The following ST6GALNAC3 variants were observed in gnomAD, a reference collection of about 807,000 sequenced individuals.
The protein encoded by ST6GALNAC3 is ST6 N-acetylgalactosaminide alpha-2,6-sialyltransferase 3, also known as alpha-N-acetylgalactosaminide alpha-2,6-sialyltransferase 3.
Under a neutral mutation model 32.7 loss-of-function variants are expected in ST6GALNAC3, and 25 were observed. The ratio of observed to expected loss-of-function variants is 0.76; its 90% CI spans 0.56 to 1.07. The LOEUF is 1.07. Among genes scored for constraint, ST6GALNAC3 ranks in the 50% least tolerant of loss-of-function variants. The pLI is 0.00. For missense variants in ST6GALNAC3, 355 were observed against 382.4 expected (o/e 0.93, Z 0.60); for synonymous variants, 129 against 133.1 (o/e 0.97, Z 0.21).
At chr1:76,374,091 A>T (rs1240249109) in intron 2 of ST6GALNAC3, among the ~76,000 whole-genome samples, 1 of 152,208 alleles carries the variant, frequency 6.6e-6, no homozygotes. Context: ...CACATTTTGC[A>T]GTGAGCCAAG....
intron 1 of ST6GALNAC3, among the ~76,000 whole-genome samples, chr1:76,202,211 T>C (rs1218416913): frequency 2.0e-5 from 3 of 151,710 alleles, no homozygotes; most frequent in Non-Finnish European, 2.9e-5. Context: ...GAGGAAAGCA[T>C]TGATGCTTCC....
At chr1:76,595,217 A>G (rs1000075399) in intron 3 of ST6GALNAC3, among the ~76,000 whole-genome samples, 4 of 152,070 alleles carry the variant, frequency 2.6e-5, no homozygotes, top group Non-Finnish European at 5.9e-5. Context: ...AGCCAACACA[A>G]TCTGTGGGTA....
chr1:76,199,301 C>T (rs1030563218), intron 1 of ST6GALNAC3, among the ~76,000 whole-genome samples: 1 of 152,146 alleles, frequency 6.6e-6, no homozygotes, highest in Admixed American at 6.6e-5. Context: ...TGATGCTGGG[C>T]CAGACTGCTG....
chr1:76,239,651 A>C (rs1656855723), intron 1 of ST6GALNAC3, among the ~76,000 whole-genome samples: 1 of 152,204 alleles, frequency 6.6e-6, no homozygotes, highest in South Asian at 2.1e-4. Flanking sequence ...GCACCAAGCC[A>C]TTCACGAGAG....
intron 1 of ST6GALNAC3, among the ~76,000 whole-genome samples, chr1:76,112,077 C>G (rs1250341645): frequency 6.7e-6 from 1 of 149,074 alleles, no homozygotes; most frequent in Non-Finnish European, 1.5e-5. Context: ...GCTGACCCCC[C>G]CACCTCCCTC....
chr1:76,202,268 ATGTGTGTGTGTGTGTGTGTG>A lies in ST6GALNAC3; in HGVS notation c.19-111521_19-111502del, dbSNP rs58107501. Reference sequence around the variant, plus strand: ...GTGGGTGGAGAGTGTGTGTGCATGCATGTGTGTGTGTGTGTGTGTGTGTGTGTGTGTGTGTATGTACATAC... The same window carrying A: ...GTGGGTGGAGAGTGTGTGTGCATGCATGTGTGTGTGTGTGTATGTACATAC... On this transcript the variant is annotated intron_variant, in intron 1 of 4. Coordinates refer to ENST00000328299, the MANE Select transcript of ST6GALNAC3 (RefSeq NM_152996.4). Among the ~76,000 whole-genome samples, 5 of 145,434 alleles carry A rather than the reference ATGTGTGTGTGTGTGTGTGTG, an allele frequency of 3.4e-5. No homozygotes were observed. In the East Asian group the frequency reaches 1.0e-3, roughly 30 times the overall value.
chr1:76,525,814 T>TACATATATATACATATATAC (rs1557529077), intron 3 of ST6GALNAC3, among the ~76,000 whole-genome samples: 3 of 127,218 alleles, frequency 2.4e-5, no homozygotes, highest in African/African-American at 7.9e-5. Context: ...TATATATATA[T>TACATATATATACATATATAC]ATATATATAT....
rs140328366 is a variant in ST6GALNAC3 at position 76,220,485 on chromosome 1, A to G, written c.19-93320A>G. On this transcript the variant is annotated intron_variant, in intron 1 of 4. Transcript: ENST00000328299. Reference sequence around the variant, plus strand: ...TTCCATTTAACTAATATTTGAGGGCATACTATATGCCAGGAAATGGGGCTA... The same window carrying G: ...TTCCATTTAACTAATATTTGAGGGCGTACTATATGCCAGGAAATGGGGCTA... Among the ~76,000 whole-genome samples the G allele has an allele frequency of 2.0e-5, 3 of 152,326 alleles. No homozygotes were observed. In the East Asian group the frequency reaches 5.8e-4, roughly 29 times the overall value.
chr1:76,503,145 G>T (rs575725166), intron 3 of ST6GALNAC3, among the ~76,000 whole-genome samples: 1 of 152,256 alleles, frequency 6.6e-6, no homozygotes, highest in East Asian at 1.9e-4. Flanking sequence ...GGGCAGAGAG[G>T]ATAACTGGCT....
At chr1:76,462,448 G>A (rs528187999) in intron 3 of ST6GALNAC3, among the ~76,000 whole-genome samples, 1 of 152,054 alleles carries the variant, frequency 6.6e-6, no homozygotes, top group African/African-American at 2.4e-5. Flanking sequence ...TGTGATCCAA[G>A]CCACATACAG....
At chr1:76,152,094 A>C (rs1315966408) in intron 1 of ST6GALNAC3, among the ~76,000 whole-genome samples, 1 of 152,200 alleles carries the variant, frequency 6.6e-6, no homozygotes, top group Non-Finnish European at 1.5e-5. Context: ...AAAAATTGTC[A>C]AAAGATTAAA....
At chr1:76,318,825 C>T (rs1217225266) in intron 2 of ST6GALNAC3, among the ~76,000 whole-genome samples, 2 of 152,100 alleles carry the variant, frequency 1.3e-5, no homozygotes, top group East Asian at 1.9e-4. Context: ...TTATAGCAGA[C>T]AGAGGAGGTA....
intron 3 of ST6GALNAC3, among the ~76,000 whole-genome samples, chr1:76,525,791 G>GTGTGTGTATA (rs1438917629): frequency 2.2e-4 from 17 of 75,582 alleles, no homozygotes; most frequent in Non-Finnish European, 3.6e-4. Flanking sequence ...GTGTGTGTGT[G>GTGTGTGTATA]TATATATATA....
intron 1 of ST6GALNAC3, among the ~76,000 whole-genome samples, chr1:76,247,496 C>T (rs1657337920): frequency 2.0e-5 from 3 of 152,204 alleles, no homozygotes; most frequent in Non-Finnish European, 4.4e-5. Flanking sequence ...ACTGGGGCTG[C>T]TGCATTTCCT....
intron 1 of ST6GALNAC3, among the ~76,000 whole-genome samples, chr1:76,107,955 T>C (rs903676960): frequency 6.6e-6 from 1 of 152,242 alleles, no homozygotes; most frequent in African/African-American, 2.4e-5. Flanking sequence ...AGATCTCTAA[T>C]ACTTGAATTG....
intron 1 of ST6GALNAC3, among the ~76,000 whole-genome samples, chr1:76,228,236 G>A (rs907762677): frequency 1.3e-5 from 2 of 152,172 alleles, no homozygotes; most frequent in African/African-American, 2.4e-5. Flanking sequence ...CAAATTTTAA[G>A]CAAAGTCCTG....
intron 1 of ST6GALNAC3, among the ~76,000 whole-genome samples, chr1:76,134,266 G>A (rs934167798): frequency 6.6e-6 from 1 of 152,196 alleles, no homozygotes; most frequent in African/African-American, 2.4e-5. Flanking sequence ...TCTCCAGAAG[G>A]CAGGTGCTTT....
chr1:76,109,728 C>T (rs970920759), intron 1 of ST6GALNAC3, among the ~76,000 whole-genome samples: 3 of 152,206 alleles, frequency 2.0e-5, no homozygotes, highest in Non-Finnish European at 4.4e-5. Context: ...CTCGGGCTTA[C>T]AGGCACACTT....
At chr1:76,587,232 A>G (rs1646975184) in intron 3 of ST6GALNAC3, among the ~76,000 whole-genome samples, 1 of 152,174 alleles carries the variant, frequency 6.6e-6, no homozygotes, top group African/African-American at 2.4e-5. Context: ...TGATAACATG[A>G]CACCGACTCA....
Sources: allele counts gnomAD v4.1 joint callset (sites outside exome capture counted in the v4.1 genomes callset), GRCh38; gene constraint gnomAD v4.1.1; transcripts MANE v1.5; gene names NCBI Gene and HGNC (gene_info 2026-07-23, HGNC 2026-07-21).